The following ITGA11 variants were observed in gnomAD, a reference collection of about 807,000 sequenced individuals.
ITGA11 encodes the protein integrin subunit alpha 11.
A neutral mutation model predicts 141.9 loss-of-function variants in ITGA11; 97 were observed. The ratio of observed to expected loss-of-function variants is 0.68; its 90% CI spans 0.58 to 0.81. The LOEUF (loss-of-function observed/expected upper bound fraction) is 0.81. Ranked by LOEUF, ITGA11 falls within the 30% of genes least tolerant of loss-of-function variation. ITGA11 has a pLI of 0.00. For synonymous variants in ITGA11, 658 were observed against 624.6 expected (o/e 1.05, Z -0.80); for missense variants, 1,387 against 1,559.2 (o/e 0.89, Z 1.86).
chr15:68,426,029 C>T (rs562820796), intron 1 of ITGA11, among the ~76,000 whole-genome samples: 1 of 152,316 alleles, frequency 6.6e-6, no homozygotes, highest in African/African-American at 2.4e-5. Flanking sequence ...ACGAGGCTGC[C>T]CATCAGCAAC....
At chr15:68,413,487 C>A (rs1896823012) in intron 1 of ITGA11, among the ~76,000 whole-genome samples, 1 of 152,184 alleles carries the variant, frequency 6.6e-6, no homozygotes, top group South Asian at 2.1e-4. Flanking sequence ...ACTGGGCAGG[C>A]AACAGACATG....
At position 68,321,778 on chromosome 15, in the gene ITGA11, C is replaced by T. The variant is rs1893823360; in HGVS notation, c.2323-275G>A. Among the ~76,000 whole-genome samples the T allele has an allele frequency of 6.6e-6, 1 of 152,190 alleles. No individual in the cohort carries two copies. Among genetic ancestry groups the T allele is most frequent in the South Asian group, 2.1e-4 (1 of 4,834 alleles). ...ACTCACCCAGCAGAGCGGTTCTGGT[C>T]AACATTTATTGATCATCTACTGTGT... On this transcript the variant is annotated intron_variant, in intron 18 of 29. Coordinates refer to ENST00000315757, the MANE Select transcript of ITGA11 (RefSeq NM_001004439.2). This position sits in a 1 kb window ranked among gnomAD's most constrained non-coding sequence, Gnocchi z 4.9.
chr15:68,363,311 C>T (rs1294062698), intron 4 of ITGA11, among the ~76,000 whole-genome samples: 2 of 152,116 alleles, frequency 1.3e-5, no homozygotes, highest in Non-Finnish European at 2.9e-5. Flanking sequence ...ACCTTCATAC[C>T]ACCTTGTGAA....
chr15:68,402,967 C>T lies in ITGA11; in HGVS notation c.115G>A (p.Ala39Thr), dbSNP rs754150729. 1.6e-5 allele frequency: 26 copies of T among 1,613,612 alleles called. No individual in the cohort carries two copies. Among genetic ancestry groups the T allele is most frequent in the Middle Eastern group, 1.6e-4 (1 of 6,082 alleles). ...KPRVIPGSRT[A>T]FFGYTVQQHD... Reference sequence around the variant, plus strand: ...TGCTGCACTGTGTAGCCAAAGAAGGCGGTCCTGGAGCCAGGGATGACCCGG... The same window carrying T: ...TGCTGCACTGTGTAGCCAAAGAAGGTGGTCCTGGAGCCAGGGATGACCCGG... The change falls in exon 2 of 30, where the codon GCC (alanine) becomes ACC (threonine). Residue 39 changes from alanine (A) to threonine (T), a missense_variant. Transcript: ENST00000315757.
chr15:68,315,174 C>T (rs112413198), intron 22 of ITGA11, among the ~76,000 whole-genome samples: 4 of 152,104 alleles, frequency 2.6e-5, no homozygotes, highest in African/African-American at 4.8e-5. Context: ...GGGAATAGGA[C>T]GAGTAGTGTT....
At chr15:68,310,511 G>A (rs1257619820) in intron 26 of ITGA11, among the ~76,000 whole-genome samples, 3 of 152,216 alleles carry the variant, frequency 2.0e-5, no homozygotes, top group Non-Finnish European at 4.4e-5. Flanking sequence ...AAATGAGCAG[G>A]TGTTTTGGGA....
chr15:68,351,909 C>T (rs754710483), intron 7 of ITGA11, among the ~76,000 whole-genome samples: 6 of 152,014 alleles, frequency 3.9e-5, no homozygotes, highest in Admixed American at 2.6e-4. Flanking sequence ...ATGTCGAAAC[C>T]CTGCCTCTAC....
chr15:68,321,551 C>T lies in ITGA11; in HGVS notation c.2323-48G>A. 1 of 1,302,122 alleles carries T rather than the reference C, an allele frequency of 7.7e-7. No individual in the cohort carries two copies. Among genetic ancestry groups the T allele is most frequent in the Non-Finnish European group, 1.1e-6 (1 of 932,450 alleles). 80.7% of individuals were successfully genotyped at this position (1,302,122 alleles called of 1,614,324 possible). ...TGGGCAGCTGGGTAGGGACCCGCAG[C>T]CCCTCGCCCTCAATGTACACCAGCT... is the stretch of plus-strand genomic sequence containing the variant. On this transcript the variant is annotated intron_variant, in intron 18 of 29. Coordinates refer to ENST00000315757, the MANE Select transcript of ITGA11 (RefSeq NM_001004439.2). This position sits in a 1 kb window ranked among gnomAD's most constrained non-coding sequence, Gnocchi z 4.9.
intron 2 of ITGA11, among the ~76,000 whole-genome samples, chr15:68,374,771 G>A (rs923048378): frequency 2.0e-5 from 3 of 152,364 alleles, no homozygotes; most frequent in African/African-American, 7.2e-5. Flanking sequence ...GACTGCCCAG[G>A]AAGGGAAGAA....
intron 2 of ITGA11, among the ~76,000 whole-genome samples, chr15:68,400,919 TTATAA>T (rs1292819587): frequency 1.9e-5 from 2 of 105,740 alleles, no homozygotes; most frequent in Admixed American, 1.6e-4. Context: ...ATAATAAATA[TTATAA>T]TATTATATAT....
intron 1 of ITGA11, among the ~76,000 whole-genome samples, chr15:68,426,997 A>G (rs1402329343): frequency 7.4e-6 from 1 of 135,344 alleles, no homozygotes; most frequent in African/African-American, 2.7e-5. Flanking sequence ...CCTGGGCGAC[A>G]GAGCAAGACT....
At chr15:68,313,744 C>T in intron 23 of ITGA11, 35 bp downstream of exon 23, 3 of 1,555,746 alleles carry the variant, frequency 1.9e-6, no homozygotes, top group South Asian at 2.3e-5. Context: ...TTCCCCATGC[C>T]TTCCCTCTCC....
In ITGA11 at chr15:68,324,661, G is replaced by T. The variant is rs1012784721; in HGVS notation, c.2322+470C>A. Among the ~76,000 whole-genome samples the T allele has an allele frequency of 6.6e-6, 1 of 151,896 alleles. No individual in the cohort carries two copies. The highest frequency in any genetic ancestry group is 1.5e-5 in the Non-Finnish European group (1 of 67,988). ...GCTTCTTTTTGGAATGCTTAGGACC[G>T]CTGTCAGTCAGTTAAAACACTTCTT... On this transcript the variant is annotated intron_variant, in intron 18 of 29. Transcript: ENST00000315757. This position sits in a 1 kb window ranked among gnomAD's most constrained non-coding sequence, Gnocchi z 6.3.
intron 2 of ITGA11, among the ~76,000 whole-genome samples, chr15:68,377,676 T>G (rs1895762374): frequency 6.6e-6 from 1 of 152,248 alleles, no homozygotes; most frequent in Non-Finnish European, 1.5e-5. Context: ...CATCCAGAAT[T>G]TAAAAACTGG....
intron 1 of ITGA11, among the ~76,000 whole-genome samples, chr15:68,404,141 C>T (rs1006674622): frequency 6.6e-6 from 1 of 151,956 alleles, no homozygotes. Context: ...TCTCCCTTCT[C>T]TTCCCTCCTC....
In ITGA11 at chr15:68,412,209, A is replaced by G. The variant is rs565407174; in HGVS notation, c.53-9180T>C. Among the ~76,000 whole-genome samples the G allele has an allele frequency of 2.0e-5, 3 of 152,288 alleles. No homozygotes were observed. The South Asian group carries it at 6.2e-4, about 32-fold the overall frequency. On this transcript the variant is annotated intron_variant, in intron 1 of 29. Coordinates refer to ENST00000315757, the MANE Select transcript of ITGA11 (RefSeq NM_001004439.2). ...GGAGGAGGAACAATTTCACAGAGTG[A>G]TTGGACAAAGACAAGGAGAAGAGGA... is the stretch of plus-strand genomic sequence containing the variant.
At position 68,320,125 on chromosome 15, in the gene ITGA11, T is replaced by TG. The variant is rs1893745310; in HGVS notation, c.2616+59dup. The TG allele has an allele frequency of 3.4e-6, 5 of 1,469,406 alleles. No individual in the cohort carries two copies. The East Asian group carries it at 6.9e-5, about 20-fold the overall frequency. 91.0% of individuals were successfully genotyped at this position (1,469,406 alleles called of 1,614,324 possible). The stretch of plus-strand genomic sequence containing the variant: ...TCCAACATGTAGCCAGGAGCCCACC[T>TG]GGCCTTCCTTTTCCTCTGTGCCAGG... On this transcript the variant is annotated intron_variant, in intron 20 of 29. Coordinates refer to ENST00000315757, the MANE Select transcript of ITGA11 (RefSeq NM_001004439.2).
At chr15:68,400,005 C>T (rs1243532282) in intron 2 of ITGA11, among the ~76,000 whole-genome samples, 1 of 152,136 alleles carries the variant, frequency 6.6e-6, no homozygotes, top group Non-Finnish European at 1.5e-5. Context: ...TTCACACTAC[C>T]TGACTTCGAG....
At chr15:68,402,346 A>G (rs1328928114) in intron 2 of ITGA11, among the ~76,000 whole-genome samples, 1 of 152,196 alleles carries the variant, frequency 6.6e-6, no homozygotes, top group African/African-American at 2.4e-5. Context: ...CATTTAAAAA[A>G]AAATCATTGA....
Sources: gnomAD v4.1 joint callset for allele counts (sites outside exome capture counted in the v4.1 genomes callset) on GRCh38, gnomAD v4.1.1 for gene constraint, Gnocchi (gnomAD v3.1) non-coding constraint, MANE v1.5 for transcripts, NCBI Gene and HGNC (gene_info 2026-07-23, HGNC 2026-07-21) for gene names.